Variants in MDM1 observed in about 807,000 individuals in gnomAD.
MDM1 encodes Mdm1 nuclear protein.
Under a neutral mutation model 89.1 loss-of-function variants are expected in MDM1, and 61 were observed. The observed-to-expected ratio is 0.68, with a 90% CI of 0.56 to 0.85. The LOEUF is 0.85. Among genes scored for constraint, MDM1 ranks in the 40% least tolerant of loss-of-function variants. The pLI, the probability that MDM1 is intolerant of heterozygous loss-of-function variation, is 0.00. For synonymous variants in MDM1, 290 were observed against 294.1 expected, an observed-to-expected ratio of 0.99 and a Z score of 0.14; for missense variants, 820 against 846.5, an observed-to-expected ratio of 0.97 and a Z score of 0.39.
intron 5 of MDM1, among the ~76,000 whole-genome samples, chr12:68,322,507 A>G (rs147914947): frequency 0.042 from 6,401 of 152,170 alleles, 418 homozygotes; most frequent in African/African-American, 0.14. Flanking sequence ...GGTGGCGTGC[A>G]TCTGTAGTCC....
At chr12:68,321,320 AGGCTT>A (rs1358236549) in intron 7 of MDM1, 22 bp downstream of exon 7, 2 of 1,554,558 alleles carry the variant, frequency 1.3e-6, no homozygotes, top group South Asian at 2.3e-5. Flanking sequence ...AAGAACATGT[AGGCTT>A]ATTGAGGTCA....
intron 8 of MDM1, 100 bp downstream of exon 8, chr12:68,316,481 C>A: frequency 9.6e-7 from 1 of 1,045,680 alleles, no homozygotes; most frequent in Non-Finnish European, 1.4e-6. Context: ...GGGAGAAATT[C>A]ATAGCAGCTA....
chr12:68,300,431 C>T (rs1394462045), intron 13 of MDM1, among the ~76,000 whole-genome samples: 1 of 151,846 alleles, frequency 6.6e-6, no homozygotes, highest in Non-Finnish European at 1.5e-5. Context: ...ATATCTAATG[C>T]ACAAAGATTC....
chr12:68,296,949 G>A lies in MDM1; in HGVS notation c.2036C>T (p.Pro679Leu). Residue 679 changes from proline to leucine, a missense_variant, in exon 14 of 15, where the codon CCT (proline) becomes CTT (leucine). Pro to Leu is a moderately conservative substitution (Grantham distance 98, BLOSUM62 -3). Coordinates refer to ENST00000682720, the MANE Select transcript of MDM1 (RefSeq NM_001354969.2). ...GKARMNNLQL[P>L]QHEAFNDEDE... ...TTCATCATTAAAGGCTTCATGTTGA[G>A]GTAACTGCAAATTGTTCATCCTTGC... 5 of 1,586,538 alleles carry A rather than the reference G, an allele frequency of 3.2e-6. No homozygotes were observed. Among genetic ancestry groups the A allele is most frequent in the Non-Finnish European group, 4.3e-6 (5 of 1,169,240 alleles).
At chr12:68,324,854 A>G (rs181272363) in intron 4 of MDM1, among the ~76,000 whole-genome samples, 21 of 152,324 alleles carry the variant, frequency 1.4e-4, no homozygotes, top group South Asian at 6.2e-4. Context: ...CAGACTATCT[A>G]TTAGTAATGG....
chr12:68,330,989 C>A, intron 2 of MDM1, 118 bp downstream of exon 2: 1 of 668,580 alleles, frequency 1.5e-6, no homozygotes. Context: ...GCCAACTGAA[C>A]TTTTAATATA....
chr12:68,303,205 T>C lies in MDM1; in HGVS notation c.1750-333A>G, dbSNP rs571305558. ...CTAATTAAAAAGTAGAAAAAGGATA[T>C]GAATAAGCAATTCATATAATGTACA... On this transcript the variant is annotated intron_variant, in intron 12 of 14. Transcript: ENST00000682720. 3.3e-4 allele frequency among the ~76,000 whole-genome samples: 50 copies of C among 152,270 alleles called. 1 individual carries two copies. The South Asian group carries it at 9.3e-3, about 28-fold the overall frequency.
chr12:68,312,713 G>C (rs561341665), intron 12 of MDM1, among the ~76,000 whole-genome samples: 1 of 152,074 alleles, frequency 6.6e-6, no homozygotes, highest in Non-Finnish European at 1.5e-5. Flanking sequence ...GATTTACAAA[G>C]CCCTACACAA....
chr12:68,327,988 G>C (rs776574972), intron 2 of MDM1, among the ~76,000 whole-genome samples: 2 of 152,138 alleles, frequency 1.3e-5, no homozygotes, highest in Admixed American at 6.5e-5. Flanking sequence ...ATCTGCCTGA[G>C]AGCTGCATCT....
intron 12 of MDM1, among the ~76,000 whole-genome samples, chr12:68,306,169 G>C (rs1872859114): frequency 6.6e-6 from 1 of 151,990 alleles, no homozygotes; most frequent in Non-Finnish European, 1.5e-5. Flanking sequence ...AATGGAAAAA[G>C]GACACCCTAT....
At chr12:68,299,732 A>G (rs552172584) in intron 13 of MDM1, among the ~76,000 whole-genome samples, 1 of 152,244 alleles carries the variant, frequency 6.6e-6, no homozygotes, top group Admixed American at 6.5e-5. Context: ...CTGAGGGAGA[A>G]GAAAAGGCTA....
At chr12:68,315,451 A>C (rs1874364793) in intron 9 of MDM1, among the ~76,000 whole-genome samples, 186 bp from the exon 10 acceptor site, 1 of 152,188 alleles carries the variant, frequency 6.6e-6, no homozygotes, top group African/African-American at 2.4e-5. Flanking sequence ...TGAAAGTCAT[A>C]ATCTGGAGTT....
At position 68,321,334 on chromosome 12, in the gene MDM1, C is replaced by G. The variant is rs766307508; in HGVS notation, c.1005+13G>C. ...AAAGAACATGTAGGCTTATTGAGGT[C>G]ATGTACACTCACCTGATTTGGCATG... On this transcript the variant is annotated intron_variant, in intron 7 of 14. Transcript: ENST00000682720. 2.2e-5 allele frequency: 35 copies of G among 1,604,096 alleles called. No individual in the cohort carries two copies. In the South Asian group the frequency reaches 3.9e-4, roughly 18 times the overall value.
chr12:68,322,675 T>A (rs1875392606), intron 5 of MDM1, among the ~76,000 whole-genome samples: 1 of 152,206 alleles, frequency 6.6e-6, no homozygotes, highest in Non-Finnish European at 1.5e-5. Context: ...AGTATGTATG[T>A]GTTTAATTTC....
At chr12:68,309,294 C>G (rs1467871108) in intron 12 of MDM1, among the ~76,000 whole-genome samples, 1 of 152,158 alleles carries the variant, frequency 6.6e-6, no homozygotes, top group Non-Finnish European at 1.5e-5. Flanking sequence ...ATCCTTTTTT[C>G]CTGGTTAATG....
intron 9 of MDM1, 106 bp from the exon 10 acceptor site, chr12:68,315,371 T>G: frequency 2.9e-6 from 3 of 1,045,726 alleles, no homozygotes; most frequent in Non-Finnish European, 2.8e-6. Context: ...CACAACTACA[T>G]GTTTTCCATA....
In MDM1 at chr12:68,331,152, C is replaced by A. The variant is rs773099699; in HGVS notation, c.88G>T (p.Val30Leu). ...CCAGCCCATGGGTACTTTCGCCCCA[C>A]GGAGGAATTACAAGACTCGGACAAA... ...SYLSESCNSS[V>L]GRKYPWAGLR... is the part of the protein sequence containing the mutation. Residue 30 changes from valine (V) to leucine (L), a missense_variant, in exon 2 of 15, where the codon GTG becomes TTG. Transcript: ENST00000682720. 6.2e-7 allele frequency: 1 copy of A among 1,611,778 alleles called. No homozygotes were observed. The highest frequency in any genetic ancestry group is 8.5e-7 in the Non-Finnish European group (1 of 1,177,896).
Position 68,314,933 on chromosome 12 carries a change from A to C in MDM1, c.1529+15T>G. The C allele has an allele frequency of 6.3e-7, 1 of 1,595,032 alleles. No individual in the cohort carries two copies. The highest frequency in any genetic ancestry group is 8.6e-7 in the Non-Finnish European group (1 of 1,163,898). On this transcript the variant is annotated intron_variant, in intron 10 of 14. Coordinates refer to ENST00000682720, the MANE Select transcript of MDM1 (RefSeq NM_001354969.2). ...AAATAACGCTTCTCTATACTGAGTAATTTAAAACTCTCACCCTTCTTTCAT... is the reference window on the plus strand; with the variant it reads ...AAATAACGCTTCTCTATACTGAGTACTTTAAAACTCTCACCCTTCTTTCAT...
chr12:68,326,468 C>T (rs758624472), intron 3 of MDM1, 189 bp downstream of exon 3: 7 of 1,482,120 alleles, frequency 4.7e-6, no homozygotes, highest in East Asian at 2.5e-5. Context: ...TACAAAATAG[C>T]GAGTAGTCAG....
Sources: allele counts gnomAD v4.1 joint callset (sites outside exome capture counted in the v4.1 genomes callset), GRCh38; gene constraint gnomAD v4.1.1; transcripts MANE v1.5; gene names NCBI Gene and HGNC (gene_info 2026-07-23, HGNC 2026-07-21).